Variants in SESN1 observed in about 807,000 individuals in gnomAD.
SESN1 encodes the protein sestrin 1.
A neutral mutation model predicts 59.3 loss-of-function variants in SESN1; 30 were observed. The ratio of observed to expected loss-of-function variants is 0.51; its 90% CI spans 0.38 to 0.69. The LOEUF is 0.69. Ranked by LOEUF, SESN1 falls within the 30% of genes least tolerant of loss-of-function variation. The pLI is 0.00. For missense variants in SESN1, 566 were observed against 673.0 expected (o/e 0.84, Z 1.76); for synonymous variants, 197 against 219.9 (o/e 0.90, Z 0.92).
chr6:109,048,527 C>T (rs1355869300), intron 1 of SESN1, among the ~76,000 whole-genome samples: 3 of 152,196 alleles, frequency 2.0e-5, no homozygotes, highest in Non-Finnish European at 4.4e-5. Context: ...TTTATTAGAA[C>T]AGATAGAAGG....
chr6:109,053,379 C>T (rs948514040), intron 1 of SESN1, among the ~76,000 whole-genome samples: 3 of 152,140 alleles, frequency 2.0e-5, no homozygotes, highest in Non-Finnish European at 4.4e-5. Context: ...ACATATCCCA[C>T]TTCCCTGCAT....
At chr6:109,010,651 TAATA>T (rs1039518642) in intron 1 of SESN1, among the ~76,000 whole-genome samples, 26 of 152,160 alleles carry the variant, frequency 1.7e-4, no homozygotes, top group South Asian at 1.0e-3. Flanking sequence ...ATTTATCTCC[TAATA>T]AATAAGATAA....
intron 1 of SESN1, among the ~76,000 whole-genome samples, chr6:109,085,830 T>C (rs1781204857): frequency 6.6e-6 from 1 of 152,222 alleles, no homozygotes. Flanking sequence ...TTGGTGCTGA[T>C]GTACTTCCAG....
At chr6:108,987,856 G>C (rs1290980393) in intron 9 of SESN1, among the ~76,000 whole-genome samples, 2 of 146,210 alleles carry the variant, frequency 1.4e-5, no homozygotes, top group Non-Finnish European at 1.5e-5. Flanking sequence ...AGGCTCGGGT[G>C]CAGTGGCACG....
chr6:108,991,560 A>G (rs933011707), intron 7 of SESN1, among the ~76,000 whole-genome samples: 2 of 152,152 alleles, frequency 1.3e-5, no homozygotes, highest in Admixed American at 6.5e-5. Flanking sequence ...TGAATTTTTA[A>G]TTAAACACAT....
chr6:108,998,547 T>G lies in SESN1; in HGVS notation c.938A>C (p.Asp313Ala), dbSNP rs1034106509. 1.9e-6 allele frequency: 3 copies of G among 1,613,946 alleles called. No homozygotes were observed. The highest frequency in any genetic ancestry group is 2.5e-6 in the Non-Finnish European group (3 of 1,179,800). ...TTCTGCTGAGTTGACCGGCATCTCA[T>G]CCACACTGTGATTGCCATTTGTAAT... Reference protein sequence around the residue: ...CDITNGNHSVDEMPVNSAENV... With the variant: ...CDITNGNHSVAEMPVNSAENV... Residue 313 changes from aspartate (D) to alanine (A), a missense_variant, in exon 5 of 10, where the codon GAT becomes GCT. By Grantham distance (126) the Asp-to-Ala change is moderately radical. Transcript: ENST00000436639.
chr6:108,992,461 T>C (rs1462613356), intron 7 of SESN1, among the ~76,000 whole-genome samples: 2 of 152,132 alleles, frequency 1.3e-5, no homozygotes, highest in Non-Finnish European at 2.9e-5. Flanking sequence ...GGTTCTCAAA[T>C]ATTTTCATAA....
chr6:109,021,355 G>C (rs540309227), intron 1 of SESN1, among the ~76,000 whole-genome samples: 42 of 152,202 alleles, frequency 2.8e-4, no homozygotes, highest in African/African-American at 1.0e-3. Context: ...GTATAGATGT[G>C]TATTTCCCCC....
At chr6:109,087,532 C>T (rs939677699) in intron 1 of SESN1, among the ~76,000 whole-genome samples, 1 of 151,992 alleles carries the variant, frequency 6.6e-6, no homozygotes, top group Non-Finnish European at 1.5e-5. Flanking sequence ...GGACCGAGTT[C>T]ACAACGTATC....
intron 1 of SESN1, among the ~76,000 whole-genome samples, chr6:109,084,813 A>G (rs1443062074): frequency 6.6e-6 from 1 of 152,172 alleles, no homozygotes; most frequent in Non-Finnish European, 1.5e-5. Flanking sequence ...GAGAAGACAG[A>G]TAATTATTAT....
chr6:109,015,940 G>C (rs1347943998), intron 1 of SESN1, among the ~76,000 whole-genome samples: 3 of 152,162 alleles, frequency 2.0e-5, no homozygotes, highest in African/African-American at 7.2e-5. Flanking sequence ...CACAGGCCAA[G>C]AACTGGTTTA....
At chr6:109,071,788 C>T (rs17070142) in intron 1 of SESN1, among the ~76,000 whole-genome samples, 7,109 of 152,232 alleles carry the variant, frequency 0.047, 336 homozygotes, top group African/African-American at 0.12. Context: ...ATTTAGTCAA[C>T]AAAAATTTCC....
intron 1 of SESN1, among the ~76,000 whole-genome samples, chr6:109,092,091 C>T (rs1781324449): frequency 6.6e-6 from 1 of 152,156 alleles, no homozygotes; most frequent in African/African-American, 2.4e-5. Context: ...CTATAGGGAA[C>T]CTTCCCAGGA....
chr6:109,004,195 T>C (rs2114318589), intron 1 of SESN1, among the ~76,000 whole-genome samples: 1 of 152,016 alleles, frequency 6.6e-6, no homozygotes, highest in Non-Finnish European at 1.5e-5. Context: ...AAAAACATTA[T>C]AGTACTAGAA....
At position 108,985,520 on chromosome 6, in the gene SESN1, C is replaced by A. The variant is rs1017515300; in HGVS notation, c.*2024G>T. Among the ~76,000 whole-genome samples, 2 of 152,186 alleles carry A rather than the reference C, an allele frequency of 1.3e-5. No homozygotes were observed. The highest frequency in any genetic ancestry group is 2.9e-5 in the Non-Finnish European group (2 of 68,026). On this transcript the variant is annotated 3_prime_UTR_variant, in exon 10 of 10. Transcript: ENST00000436639. The stretch of plus-strand genomic sequence containing the variant: ...CAGGAAGCACCTGCTAAATGGAAGG[C>A]ATTGAAACATTAACTTTGTATCACA...
chr6:109,061,414 G>C (rs1231527499), intron 1 of SESN1, among the ~76,000 whole-genome samples: 4 of 152,126 alleles, frequency 2.6e-5, no homozygotes, highest in African/African-American at 9.7e-5. Flanking sequence ...AATGTACCAT[G>C]TATTTTAAAC....
At chr6:109,064,596 AG>A (rs1314224214) in intron 1 of SESN1, among the ~76,000 whole-genome samples, 9 of 3,012 alleles carry the variant, frequency 3.0e-3, no homozygotes, top group African/African-American at 0.021. Flanking sequence ...AGGAGAGGGG[AG>A]GGGAGGGGAG....
At chr6:108,992,521 A>G (rs1265259445) in intron 7 of SESN1, among the ~76,000 whole-genome samples, 1 of 152,188 alleles carries the variant, frequency 6.6e-6, no homozygotes, top group African/African-American at 2.4e-5. Flanking sequence ...AATATTTGGG[A>G]ACGCTGGGAG....
In SESN1 at chr6:109,094,210, A is replaced by G; in HGVS notation, c.-137T>C. 1 of 957,098 alleles carries G rather than the reference A, an allele frequency of 1.0e-6. No homozygotes were observed. Among genetic ancestry groups the G allele is most frequent in the Non-Finnish European group, 1.5e-6 (1 of 653,012 alleles). 59.3% of individuals were successfully genotyped at this position (957,098 alleles called of 1,614,324 possible). A position where few individuals can be genotyped will look rare whatever the true frequency, so the allele number is the denominator to read the frequency against. ...TCATGAAAACACACATCTGGGTGAC[A>G]TTTGGAACCACTGGTGCCTTCAGCC... On this transcript the variant is annotated 5_prime_UTR_variant, in exon 1 of 10. An upstream start codon of the reference 5' UTR is lost. Transcript: ENST00000436639.
Sources: gnomAD v4.1 joint callset for allele counts (sites outside exome capture counted in the v4.1 genomes callset) on GRCh38, gnomAD v4.1.1 for gene constraint, MANE v1.5 for transcripts, NCBI Gene and HGNC (gene_info 2026-07-23, HGNC 2026-07-21) for gene names.